Variants in ITGA8 observed in about 807,000 individuals in gnomAD.
ITGA8 encodes integrin alpha-8.
ITGA8 carries 91 observed loss-of-function variants against 142.3 expected under a neutral mutation model. The ratio of observed to expected loss-of-function variants is 0.64; its 90% CI spans 0.54 to 0.76. The LOEUF is 0.76. Among genes scored for constraint, ITGA8 ranks in the 30% least tolerant of loss-of-function variants. The pLI, the probability that ITGA8 is intolerant of heterozygous loss-of-function variation, is 0.00. For missense variants in ITGA8, 1,406 were observed against 1,327.7 expected, an observed-to-expected ratio of 1.06 and a Z score of -0.92; for synonymous variants, 505 against 485.2, an observed-to-expected ratio of 1.04 and a Z score of -0.54.
chr10:15,713,175 G>A (rs1021659701), intron 2 of ITGA8, among the ~76,000 whole-genome samples: 9 of 152,182 alleles, frequency 5.9e-5, no homozygotes, highest in Non-Finnish European at 8.8e-5. Context: ...TAGGGATGAT[G>A]GTTGCCTCTG....
At chr10:15,670,027 C>T (rs1016149668) in intron 8 of ITGA8, among the ~76,000 whole-genome samples, 1 of 152,290 alleles carries the variant, frequency 6.6e-6, no homozygotes, top group Middle Eastern at 3.4e-3. Flanking sequence ...AGAACCACTA[C>T]TCTCTTCAAA....
intron 2 of ITGA8, among the ~76,000 whole-genome samples, chr10:15,711,810 A>C (rs1197052952): frequency 6.6e-6 from 1 of 152,224 alleles, no homozygotes; most frequent in African/African-American, 2.4e-5. Context: ...CACTTTCTTC[A>C]GTGTTTATGG....
At chr10:15,580,126 T>TAA (rs35286236) in intron 23 of ITGA8, among the ~76,000 whole-genome samples, 4 of 108,900 alleles carry the variant, frequency 3.7e-5, no homozygotes, top group African/African-American at 1.4e-4. Context: ...TCAGAAAATG[T>TAA]AAAAAAAAAA....
chr10:15,557,483 A>G (rs1280656470), intron 26 of ITGA8, among the ~76,000 whole-genome samples: 1 of 152,206 alleles, frequency 6.6e-6, no homozygotes, highest in East Asian at 1.9e-4. Flanking sequence ...GCTAAGACTC[A>G]GCAGGGGTTT....
At chr10:15,680,425 C>G (rs931467351) in intron 4 of ITGA8, among the ~76,000 whole-genome samples, 1 of 151,650 alleles carries the variant, frequency 6.6e-6, no homozygotes, top group Non-Finnish European at 1.5e-5. Flanking sequence ...CTTATTTTAC[C>G]GCTATATTTC....
intron 27 of ITGA8, among the ~76,000 whole-genome samples, chr10:15,537,389 A>G (rs1244961192): frequency 6.6e-6 from 1 of 152,218 alleles, no homozygotes; most frequent in Non-Finnish European, 1.5e-5. Context: ...GTGAGCACAC[A>G]GCGAATTGTA....
chr10:15,674,706 C>T (rs969064482), intron 6 of ITGA8, among the ~76,000 whole-genome samples: 26 of 151,964 alleles, frequency 1.7e-4, no homozygotes, highest in East Asian at 3.9e-4. Flanking sequence ...CTGAGGCGGG[C>T]GGATCATGAG....
At chr10:15,662,326 CTTTTTTTTTTTTT>C (rs200922550) in intron 8 of ITGA8, among the ~76,000 whole-genome samples, 3 of 72,716 alleles carry the variant, frequency 4.1e-5, no homozygotes, top group Admixed American at 1.8e-4. Context: ...TCAGAAGGTC[CTTTTTTTTTTTTT>C]TTTTTTTTTT....
chr10:15,534,703 T>G (rs924737993), intron 27 of ITGA8, among the ~76,000 whole-genome samples: 78 of 150,994 alleles, frequency 5.2e-4, no homozygotes, highest in African/African-American at 1.9e-3. Flanking sequence ...TACAGTTCCT[T>G]TGAAGGGGAT....
In ITGA8 at chr10:15,548,663, C is replaced by T. The variant is rs143263220; in HGVS notation, c.2767-95G>A. 921 of 708,606 alleles carry T rather than the reference C, an allele frequency of 1.3e-3. 2 individuals carry two copies. The highest frequency in any genetic ancestry group is 2.4e-3 in the Admixed American group (79 of 33,234). The allele number at this position is 708,606 out of a possible 1,614,324, so 43.9% of individuals were successfully genotyped here. A position where few individuals can be genotyped will look rare whatever the true frequency, so the allele number is the denominator to read the frequency against. On this transcript the variant is annotated intron_variant, in intron 26 of 29. Coordinates refer to ENST00000378076, the MANE Select transcript of ITGA8 (RefSeq NM_003638.3). Reference sequence around the variant, plus strand: ...ATTTACATTTCATTTCCTCAAAAGTCATCACCTTATGATAAATTATTAATG... The same window carrying T: ...ATTTACATTTCATTTCCTCAAAAGTTATCACCTTATGATAAATTATTAATG...
intron 13 of ITGA8, among the ~76,000 whole-genome samples, chr10:15,631,463 G>T (rs1375284076): frequency 6.6e-6 from 1 of 151,798 alleles, no homozygotes; most frequent in African/African-American, 2.4e-5. Flanking sequence ...AACTAACACA[G>T]GAACAGAAAA....
chr10:15,615,674 C>T (rs1027071439), intron 14 of ITGA8, among the ~76,000 whole-genome samples: 11 of 152,168 alleles, frequency 7.2e-5, no homozygotes, highest in African/African-American at 2.4e-4. Context: ...CCACCATGTC[C>T]GGCTAATTTT....
At chr10:15,548,596 A>G in intron 26 of ITGA8, 28 bp from the exon 27 acceptor site, 1 of 1,450,814 alleles carries the variant, frequency 6.9e-7, no homozygotes, top group Non-Finnish European at 9.6e-7. Flanking sequence ...AACACGTCAG[A>G]GTCTTTAAAT....
intron 11 of ITGA8, among the ~76,000 whole-genome samples, chr10:15,650,443 A>G (rs1213020810): frequency 6.6e-6 from 1 of 152,092 alleles, no homozygotes; most frequent in Non-Finnish European, 1.5e-5. Context: ...CCAAAATGGG[A>G]CTTGTGGATT....
In ITGA8 at chr10:15,684,038, G is replaced by C; in HGVS notation, c.534C>G (p.Phe178Leu). 5.0e-6 allele frequency: 8 copies of C among 1,614,170 alleles called. No homozygotes were observed. Among genetic ancestry groups the C allele is most frequent in the Non-Finnish European group, 6.8e-6 (8 of 1,180,020 alleles). The change falls in exon 4 of 30, where the codon TTC becomes TTG. Residue 178 changes from phenylalanine to leucine, a missense_variant. Phe to Leu is a conservative substitution (Grantham distance 22, BLOSUM62 0). Transcript: ENST00000378076. ...VGTCYVAIQN[F>L]SAYAEFSPCR... ...AAGGAGAGAACTCGGCATAGGCGCTGAAGTTCTGAATTGCTACATAGCAGG... is the reference window on the plus strand; with the variant it reads ...AAGGAGAGAACTCGGCATAGGCGCTCAAGTTCTGAATTGCTACATAGCAGG...
At position 15,627,951 on chromosome 10, in the gene ITGA8, G is replaced by T. The variant is rs185307261; in HGVS notation, c.1400-11392C>A. ...GAAGTCGGTCAAAACCACCAAAACC[G>T]AGATGGTGACGGGAGTGACCTCTGG... is the stretch of plus-strand genomic sequence containing the variant. On this transcript the variant is annotated intron_variant, in intron 13 of 29. Coordinates refer to ENST00000378076, the MANE Select transcript of ITGA8 (RefSeq NM_003638.3). Among the ~76,000 whole-genome samples, 728 of 148,148 alleles carry T rather than the reference G, an allele frequency of 4.9e-3. 23 individuals are homozygous for T. The highest frequency in any genetic ancestry group is 0.017 in the African/African-American group (698 of 41,200).
At chr10:15,549,109 T>G (rs929406758) in intron 26 of ITGA8, among the ~76,000 whole-genome samples, 4 of 152,218 alleles carry the variant, frequency 2.6e-5, no homozygotes, top group Non-Finnish European at 5.9e-5. Context: ...GAATAACCTT[T>G]AATATATGAA....
chr10:15,679,185 C>A (rs1834690134), intron 4 of ITGA8, among the ~76,000 whole-genome samples: 3 of 152,154 alleles, frequency 2.0e-5, no homozygotes, highest in Admixed American at 2.0e-4. Context: ...AAGTTGACAC[C>A]TTGAGGAAGA....
intron 5 of ITGA8, among the ~76,000 whole-genome samples, chr10:15,678,230 C>T (rs7899225): frequency 0.015 from 2,259 of 152,152 alleles, 56 homozygotes; most frequent in African/African-American, 0.052. Flanking sequence ...ACAGTTTATA[C>T]GTTGATGAAA....
Sources: allele counts gnomAD v4.1 joint callset (sites outside exome capture counted in the v4.1 genomes callset), GRCh38; gene constraint gnomAD v4.1.1; transcripts MANE v1.5; gene names NCBI Gene and HGNC (gene_info 2026-07-23, HGNC 2026-07-21).